Variants in ATP6V1C2 observed in about 807,000 individuals in gnomAD.
ATP6V1C2 encodes the protein V-type proton ATPase subunit C 2.
ATP6V1C2 carries 45 observed loss-of-function variants against 56.8 expected under a neutral mutation model. The observed-to-expected ratio is 0.79, with a 90% confidence interval of 0.62 to 1.02. ATP6V1C2 has a LOEUF of 1.02. Among genes scored for constraint, ATP6V1C2 ranks in the 50% least tolerant of loss-of-function variants. ATP6V1C2 has a pLI of 0.00. For missense variants in ATP6V1C2, 463 were observed against 519.7 expected (o/e 0.89, Z 1.06); for synonymous variants, 220 against 201.3 (o/e 1.09, Z -0.79).
intron 3 of ATP6V1C2, among the ~76,000 whole-genome samples, chr2:10,742,515 C>T (rs1205282600): frequency 2.0e-5 from 3 of 152,192 alleles, no homozygotes; most frequent in Non-Finnish European, 2.9e-5. Flanking sequence ...TATTCACCTC[C>T]AATTCCAGCC....
intron 10 of ATP6V1C2, among the ~76,000 whole-genome samples, chr2:10,776,975 G>C (rs1420454489): frequency 1.3e-5 from 2 of 152,230 alleles, no homozygotes; most frequent in Non-Finnish European, 2.9e-5. Context: ...CTATCTAGAA[G>C]TGCATGACCA....
intron 4 of ATP6V1C2, among the ~76,000 whole-genome samples, chr2:10,760,198 C>T (rs866275559): frequency 1.1e-4 from 16 of 151,814 alleles, no homozygotes; most frequent in African/African-American, 3.4e-4. Context: ...CATGGTGAAA[C>T]CTCGCCTCTA....
intron 10 of ATP6V1C2, among the ~76,000 whole-genome samples, chr2:10,775,722 G>C (rs1421422658): frequency 6.6e-6 from 1 of 152,166 alleles, no homozygotes; most frequent in African/African-American, 2.4e-5. Context: ...CCACCGCTCC[G>C]GGAAGTGGGC....
At position 10,722,856 on chromosome 2, in the gene ATP6V1C2, G is replaced by A; in HGVS notation, c.7G>A (p.Glu3Lys). MSEFWLISAPGDK... is the reference protein window; with the variant it reads MSKFWLISAPGDK... Reference sequence around the variant, plus strand: ...GTAAGAGAAGACTGGAAGCATGTCGGAGTTTTGGTTAATTTCTGCCCCTGG... The same window carrying A: ...GTAAGAGAAGACTGGAAGCATGTCGAAGTTTTGGTTAATTTCTGCCCCTGG... The change falls in exon 2 of 14, where the codon GAG becomes AAG. Residue 3 changes from glutamate (E) to lysine (K), a missense_variant. Transcript: ENST00000272238. The A allele has an allele frequency of 6.2e-7, 1 of 1,614,100 alleles. No individual in the cohort carries two copies.
At chr2:10,777,904 C>T (rs1365943202) in intron 11 of ATP6V1C2, among the ~76,000 whole-genome samples, 182 bp downstream of exon 11, 3 of 151,606 alleles carry the variant, frequency 2.0e-5, no homozygotes, top group Admixed American at 6.6e-5. Flanking sequence ...GAGCTGCCCC[C>T]GCCAGCAGTG....
chr2:10,782,248 GACTACCAGTGA>G lies in ATP6V1C2; in HGVS notation c.1071_1081del (p.Val359GlyfsTer8). The G allele has an allele frequency of 6.2e-7, 1 of 1,614,138 alleles. No individual in the cohort carries two copies. Among genetic ancestry groups the G allele is most frequent in the Non-Finnish European group, 8.5e-7 (1 of 1,180,010 alleles). On this transcript the variant is annotated frameshift_variant, in exon 13 of 14. Coordinates refer to ENST00000272238, the MANE Select transcript of ATP6V1C2 (RefSeq NM_001039362.2). LOFTEE classifies it high-confidence loss of function. ...CATTTTGTCTATCTGAAAAGGTATG[GACTACCAGTGA>G]ACTTCCAGGCAGTGCTCCTGCAGCC... is the stretch of plus-strand genomic sequence containing the variant.
rs753262745 is a variant in ATP6V1C2, at chr2:10,771,921, C to G, written c.553C>G (p.Leu185Val). Residue 185 changes from leucine to valine, a missense_variant, in exon 7 of 14, where the codon CTG (leucine) becomes GTG (valine). Physicochemically the swap from Leu to Val is conservative, Grantham distance 32 (BLOSUM62 1). Transcript: ENST00000272238. ...VLDSEYLVTL[L>V]VIVPKPNYSQ... is the part of the protein sequence containing the mutation. ...GGATTCTGAATATCTCGTCACACTT[C>G]TGGTCATCGTCCCCAAGTGAGTGCT... 1 of 1,614,040 alleles carries G rather than the reference C, an allele frequency of 6.2e-7. No homozygotes were observed. Among genetic ancestry groups the G allele is most frequent in the Non-Finnish European group, 8.5e-7 (1 of 1,179,918 alleles).
At chr2:10,731,517 AATCAC>A (rs2148415665) in intron 3 of ATP6V1C2, among the ~76,000 whole-genome samples, 1 of 152,328 alleles carries the variant, frequency 6.6e-6, no homozygotes, top group African/African-American at 2.4e-5. Context: ...TTAATAAAAT[AATCAC>A]ATCACATAAT....
intron 10 of ATP6V1C2, among the ~76,000 whole-genome samples, chr2:10,777,377 G>A (rs890373026): frequency 2.6e-5 from 4 of 152,182 alleles, no homozygotes; most frequent in Non-Finnish European, 4.4e-5. Flanking sequence ...GGAACCCAAA[G>A]ACCTTAACAC....
At chr2:10,777,325 G>A (rs780606472) in intron 10 of ATP6V1C2, among the ~76,000 whole-genome samples, 1 of 152,194 alleles carries the variant, frequency 6.6e-6, no homozygotes, top group African/African-American at 2.4e-5. Flanking sequence ...GGGAGCTCAG[G>A]GCTGACCCCT....
At chr2:10,731,426 A>T (rs1661946249) in intron 3 of ATP6V1C2, among the ~76,000 whole-genome samples, 1 of 152,068 alleles carries the variant, frequency 6.6e-6, no homozygotes, top group African/African-American at 2.4e-5. Context: ...GGAAATGTTG[A>T]CTCCCTTCTT....
rs149552387 is a variant in ATP6V1C2, at chr2:10,762,181, C to T, written c.284-2150C>T. On this transcript the variant is annotated intron_variant, in intron 4 of 13. Coordinates refer to ENST00000272238, the MANE Select transcript of ATP6V1C2 (RefSeq NM_001039362.2). The stretch of plus-strand genomic sequence containing the variant: ...TTTTTTTTGAGATGGAGTCTCCCTT[C>T]GTTGCCCAGGCTGGAGTGCAGTGGC... Among the ~76,000 whole-genome samples the T allele has an allele frequency of 8.0e-3, 1,145 of 143,284 alleles. 15 individuals are homozygous for T. The highest frequency in any genetic ancestry group is 0.028 in the African/African-American group (1,075 of 37,948). The allele number at this position is 143,284 out of a possible 152,430, so 94.0% of individuals were successfully genotyped here.
intron 3 of ATP6V1C2, among the ~76,000 whole-genome samples, chr2:10,740,429 C>T (rs1301425555): frequency 6.6e-6 from 1 of 152,168 alleles, no homozygotes; most frequent in African/African-American, 2.4e-5. Context: ...CCAGGGGAAG[C>T]CCTTCACTTT....
chr2:10,778,337 G>A (rs77779446), intron 11 of ATP6V1C2, among the ~76,000 whole-genome samples: 12,064 of 152,290 alleles, frequency 0.079, 622 homozygotes, highest in South Asian at 0.15. Context: ...GCTGCGGTCT[G>A]TGGTGGCCCC....
Position 10,783,860 on chromosome 2 carries a change from C to T in ATP6V1C2, c.*597C>T, listed in dbSNP as rs897533824. 3.8e-5 allele frequency: 6 copies of T among 159,818 alleles called. No homozygotes were observed. Among genetic ancestry groups the T allele is most frequent in the Non-Finnish European group, 8.2e-5 (6 of 72,910 alleles). 9.9% of individuals were successfully genotyped at this position (159,818 alleles called of 1,614,324 possible). A position where few individuals can be genotyped will look rare whatever the true frequency, so the allele number is the denominator to read the frequency against. ...GTGGATACTAACTTCATACATTTAT[C>T]GGCATTGTCCAAAATATTTTATTCT... On this transcript the variant is annotated 3_prime_UTR_variant, in exon 14 of 14. Coordinates refer to ENST00000272238, the MANE Select transcript of ATP6V1C2 (RefSeq NM_001039362.2).
At chr2:10,764,275 C>T in intron 4 of ATP6V1C2, 56 bp from the exon 5 acceptor site, 1 of 1,458,546 alleles carries the variant, frequency 6.9e-7, no homozygotes, top group Non-Finnish European at 9.6e-7. Context: ...TCCGAAGTCT[C>T]AATCATGGAT....
At chr2:10,759,762 C>G (rs1663790629) in intron 4 of ATP6V1C2, among the ~76,000 whole-genome samples, 1 of 151,902 alleles carries the variant, frequency 6.6e-6, no homozygotes, top group African/African-American at 2.4e-5. Flanking sequence ...ATTCTGACAA[C>G]AAGAGGTCTC....
intron 11 of ATP6V1C2, among the ~76,000 whole-genome samples, chr2:10,778,254 C>A (rs1197408478): frequency 6.6e-6 from 1 of 152,226 alleles, no homozygotes; most frequent in Non-Finnish European, 1.5e-5. Flanking sequence ...GGCTCCCTGG[C>A]TGCACAGTGT....
chr2:10,734,742 C>T (rs1221858773), intron 3 of ATP6V1C2, among the ~76,000 whole-genome samples: 1 of 152,172 alleles, frequency 6.6e-6, no homozygotes, highest in African/African-American at 2.4e-5. Context: ...ACGATGCTTC[C>T]AGCTCGGAGT....
Sources: allele counts gnomAD v4.1 joint callset (sites outside exome capture counted in the v4.1 genomes callset), GRCh38; gene constraint gnomAD v4.1.1; transcripts MANE v1.5; gene names NCBI Gene and HGNC (gene_info 2026-07-23, HGNC 2026-07-21).